Variants in CALN1 observed in about 807,000 individuals in gnomAD.
CALN1 encodes the protein calcium-binding protein 8.
A neutral mutation model predicts 30.6 loss-of-function variants in CALN1; 17 were observed. That is an observed-to-expected ratio of 0.56 (90% CI 0.38 to 0.83). The LOEUF is 0.83. CALN1 is among the 40% of genes least tolerant of loss of function. The pLI, the probability that CALN1 is intolerant of heterozygous loss-of-function variation, is 0.00. For synonymous variants in CALN1, 156 were observed against 131.4 expected (o/e 1.19, Z -1.28); for missense variants, 291 against 354.9 (o/e 0.82, Z 1.45).
intron 5 of CALN1, among the ~76,000 whole-genome samples, chr7:71,944,666 A>C (rs2129523259): frequency 6.6e-6 from 1 of 152,002 alleles, no homozygotes; most frequent in African/African-American, 2.4e-5. Flanking sequence ...ATTGTGTCTA[A>C]GCTGTTCTTT....
intron 5 of CALN1, among the ~76,000 whole-genome samples, chr7:72,015,084 T>G (rs545069051): frequency 6.6e-6 from 1 of 152,358 alleles, no homozygotes; most frequent in South Asian, 2.1e-4. Flanking sequence ...TATTGATAGG[T>G]AATTTCTCCA....
chr7:72,354,992 C>T (rs1803145946), intron 2 of CALN1, among the ~76,000 whole-genome samples: 1 of 151,896 alleles, frequency 6.6e-6, no homozygotes, highest in Admixed American at 6.6e-5. Context: ...TCACTGCATC[C>T]TCCACCTCCC....
At chr7:72,305,607 A>G (rs1799594305) in intron 2 of CALN1, among the ~76,000 whole-genome samples, 1 of 152,198 alleles carries the variant, frequency 6.6e-6, no homozygotes, top group African/African-American at 2.4e-5. Context: ...GTGAGAGGTC[A>G]GGGATTATTT....
intron 2 of CALN1, among the ~76,000 whole-genome samples, chr7:72,334,376 C>A (rs1801869227): frequency 1.3e-5 from 2 of 152,142 alleles, no homozygotes; most frequent in South Asian, 2.1e-4. Flanking sequence ...GGCTGGTGAC[C>A]CTCAAGAGAC....
chr7:72,218,803 A>G (rs1350160748), intron 3 of CALN1, among the ~76,000 whole-genome samples: 1 of 152,228 alleles, frequency 6.6e-6, no homozygotes, highest in Non-Finnish European at 1.5e-5. Context: ...CTGGTAAAGC[A>G]CTATGTCCAA....
the CALN1 span, among the ~76,000 whole-genome samples, chr7:72,504,250 G>C: frequency 6.6e-6 from 1 of 152,046 alleles, no homozygotes; most frequent in African/African-American, 2.4e-5. Context: ...CCCTCTCCCC[G>C]GTGAGTCTAT....
chr7:72,336,990 CT>C (rs1268707191), intron 2 of CALN1: 1 of 985,450 alleles, frequency 1.0e-6, no homozygotes, highest in African/African-American at 1.7e-5. Context: ...CCTCCCTGTC[CT>C]TGTCCTCTGC....
chr7:72,358,491 C>T (rs1030286663), intron 2 of CALN1, among the ~76,000 whole-genome samples: 1 of 150,196 alleles, frequency 6.7e-6, no homozygotes, highest in Non-Finnish European at 1.5e-5. Context: ...AGCCATCACT[C>T]CCTGTGGCTG....
intron 3 of CALN1, among the ~76,000 whole-genome samples, chr7:72,180,497 C>T (rs1466235750): frequency 6.9e-6 from 1 of 145,414 alleles, no homozygotes; most frequent in African/African-American, 2.5e-5. Context: ...CACAATTATT[C>T]ATTGACATCT....
In CALN1 at chr7:72,384,383, C is replaced by T. The variant is rs145319648; in HGVS notation, c.119+18868G>A. Among the ~76,000 whole-genome samples the T allele has an allele frequency of 3.1e-3, 472 of 152,064 alleles. 1 individual carries two copies. Among genetic ancestry groups the T allele is most frequent in the African/African-American group, 0.011 (455 of 41,464 alleles). ...GCTGGAACAACTGAATGATCGTACA[C>T]AAAGAAATGAACCTTTAAAAAGGTA... On this transcript the variant is annotated intron_variant, in intron 2 of 6. Transcript: ENST00000395275.
chr7:71,998,657 C>T (rs1287193655), intron 5 of CALN1, among the ~76,000 whole-genome samples: 1 of 151,560 alleles, frequency 6.6e-6, no homozygotes, highest in Non-Finnish European at 1.5e-5. Context: ...GCAACCTCTA[C>T]CTCCCCAGTT....
chr7:71,973,222 C>A (rs191871817), intron 5 of CALN1, among the ~76,000 whole-genome samples: 8 of 151,990 alleles, frequency 5.3e-5, no homozygotes, highest in South Asian at 4.2e-4. Flanking sequence ...GTTGCCCTGG[C>A]TGGAGTGCAG....
chr7:71,864,609 G>T (rs538970966), intron 5 of CALN1, among the ~76,000 whole-genome samples: 22 of 152,256 alleles, frequency 1.4e-4, no homozygotes, highest in African/African-American at 4.6e-4. Context: ...CCAGGCAGAG[G>T]ACCCACCTAA....
chr7:72,445,457 G>A (rs1334359368), intron 1 of CALN1, among the ~76,000 whole-genome samples: 1 of 152,030 alleles, frequency 6.6e-6, no homozygotes, highest in Non-Finnish European at 1.5e-5. Context: ...AACCTCCAAC[G>A]CCACCCTCCC....
chr7:72,209,249 C>T (rs1792164274), intron 3 of CALN1, among the ~76,000 whole-genome samples: 4 of 137,702 alleles, frequency 2.9e-5, no homozygotes, highest in African/African-American at 8.2e-5. Flanking sequence ...TCTTTCCTTC[C>T]CTCCTTCCCT....
intron 4 of CALN1, among the ~76,000 whole-genome samples, chr7:72,094,125 T>A (rs1265432124): frequency 2.0e-5 from 3 of 152,344 alleles, no homozygotes; most frequent in Admixed American, 2.0e-4. Context: ...AGAGGAAACA[T>A]TCTAGGTCTG....
chr7:72,228,066 C>G (rs1793816074), intron 3 of CALN1, among the ~76,000 whole-genome samples: 1 of 151,950 alleles, frequency 6.6e-6, no homozygotes, highest in Non-Finnish European at 1.5e-5. Context: ...AATACTGAAC[C>G]AAGTGCTGCT....
intron 5 of CALN1, among the ~76,000 whole-genome samples, chr7:71,980,563 T>C (rs1176627249): frequency 6.6e-6 from 1 of 152,138 alleles, no homozygotes; most frequent in Non-Finnish European, 1.5e-5. Context: ...TGAAATACTT[T>C]AAATGGTTCT....
intron 3 of CALN1, among the ~76,000 whole-genome samples, chr7:72,176,765 C>T (rs1256197126): frequency 1.3e-5 from 2 of 152,138 alleles, no homozygotes; most frequent in African/African-American, 4.8e-5. Flanking sequence ...AATAGAGTCT[C>T]CCTTTCCCAG....
Sources: gnomAD v4.1 joint callset for allele counts (sites outside exome capture counted in the v4.1 genomes callset) on GRCh38, gnomAD v4.1.1 for gene constraint, MANE v1.5 for transcripts, NCBI Gene and HGNC (gene_info 2026-07-23, HGNC 2026-07-21) for gene names.